Variants in OLA1 observed in about 807,000 individuals in gnomAD.
OLA1 encodes the protein Obg like ATPase 1.
Under a neutral mutation model 48.4 loss-of-function variants are expected in OLA1, and 14 were observed. That is an observed-to-expected ratio of 0.29 (90% CI 0.19 to 0.45). The LOEUF (loss-of-function observed/expected upper bound fraction) is 0.45, where lower values mean the gene tolerates loss of function less well. Ranked by LOEUF, OLA1 falls within the 20% of genes least tolerant of loss-of-function variation. The pLI is 1.00. For missense variants in OLA1, 325 were observed against 467.1 expected (o/e 0.70, Z 2.80); for synonymous variants, 127 against 150.4 (o/e 0.84, Z 1.14).
At chr2:174,128,688 G>T (rs1202911783) in intron 5 of OLA1, among the ~76,000 whole-genome samples, 1 of 149,950 alleles carries the variant, frequency 6.7e-6, no homozygotes, top group Non-Finnish European at 1.5e-5. Flanking sequence ...AGTGAGCCGA[G>T]ATTGCACCAC....
Position 174,179,329 on chromosome 2 carries a change from A to G in OLA1, c.374-37329T>C, listed in dbSNP as rs532287164. On this transcript the variant is annotated intron_variant, in intron 4 of 10. Transcript: ENST00000284719. Reference sequence around the variant, plus strand: ...TAAATAAATAGAAACGTCTCAAAATAGTTATGCATGAGTACTCAGTATAAT... The same window carrying G: ...TAAATAAATAGAAACGTCTCAAAATGGTTATGCATGAGTACTCAGTATAAT... Among the ~76,000 whole-genome samples, 3 of 152,058 alleles carry G rather than the reference A, an allele frequency of 2.0e-5. No homozygotes were observed. In the South Asian group the frequency reaches 6.2e-4, roughly 31 times the overall value.
At chr2:174,095,756 T>C (rs904404884) in intron 7 of OLA1, among the ~76,000 whole-genome samples, 1 of 152,144 alleles carries the variant, frequency 6.6e-6, no homozygotes, top group Admixed American at 6.6e-5. Flanking sequence ...CAGAATGGGA[T>C]AAAATATTTG....
chr2:174,097,355 G>T (rs1021964185), intron 7 of OLA1, among the ~76,000 whole-genome samples: 2 of 152,138 alleles, frequency 1.3e-5, no homozygotes, highest in Non-Finnish European at 2.9e-5. Context: ...AAAAAGGAGT[G>T]TAGGGGATGG....
chr2:174,120,311 C>T (rs1358801610), intron 7 of OLA1, among the ~76,000 whole-genome samples: 1 of 151,960 alleles, frequency 6.6e-6, no homozygotes, highest in African/African-American at 2.4e-5. Flanking sequence ...AAATTAATAC[C>T]GTCTATAGTA....
At chr2:174,237,904 C>T (rs564670008) in intron 2 of OLA1, among the ~76,000 whole-genome samples, 6 of 152,290 alleles carry the variant, frequency 3.9e-5, no homozygotes, top group Non-Finnish European at 5.9e-5. Context: ...TCACCACAAA[C>T]GTGAGTAATG....
chr2:174,111,583 A>G (rs1318319235), intron 7 of OLA1, among the ~76,000 whole-genome samples: 1 of 152,316 alleles, frequency 6.6e-6, no homozygotes, highest in South Asian at 2.1e-4. Flanking sequence ...CTGGATGTAC[A>G]TGTACATATA....
In OLA1 at chr2:174,222,990, T is replaced by G. The variant is rs756464987; in HGVS notation, c.373+43A>C. 1.2e-5 allele frequency: 19 copies of G among 1,561,672 alleles called. No individual in the cohort carries two copies. In the South Asian group the frequency reaches 2.2e-4, roughly 18 times the overall value. On this transcript the variant is annotated intron_variant, in intron 4 of 10. Transcript: ENST00000284719. ...TTGTGCACTAATGGAAAGAAAACAC[T>G]GATCTGAATGAAATCAATGATTAAA... is the stretch of plus-strand genomic sequence containing the variant.
At chr2:174,193,444 T>A (rs1687817346) in intron 4 of OLA1, among the ~76,000 whole-genome samples, 1 of 152,198 alleles carries the variant, frequency 6.6e-6, no homozygotes, top group Admixed American at 6.5e-5. Flanking sequence ...TTTTCTTGCT[T>A]TTTAAATACA....
intron 7 of OLA1, among the ~76,000 whole-genome samples, chr2:174,113,395 T>A (rs1685701944): frequency 6.6e-6 from 1 of 152,224 alleles, no homozygotes; most frequent in Non-Finnish European, 1.5e-5. Context: ...CAATTTCATA[T>A]AATTTTTAAT....
chr2:174,083,312 G>A (rs1377699529), intron 7 of OLA1, among the ~76,000 whole-genome samples: 1 of 152,092 alleles, frequency 6.6e-6, no homozygotes, highest in South Asian at 2.1e-4. Context: ...ATCAATGGCA[G>A]GGGAGCAGAG....
At chr2:174,240,953 A>G (rs1688986050) in intron 2 of OLA1, among the ~76,000 whole-genome samples, 1 of 152,184 alleles carries the variant, frequency 6.6e-6, no homozygotes, top group African/African-American at 2.4e-5. Flanking sequence ...CCTCCCATCA[A>G]GAGGTAGAGT....
intron 7 of OLA1, among the ~76,000 whole-genome samples, chr2:174,099,204 G>A (rs1207706875): frequency 1.3e-5 from 2 of 151,128 alleles, no homozygotes; most frequent in Non-Finnish European, 2.9e-5. Context: ...TCACCAGGCT[G>A]GAGTGCAGTG....
rs545178645 is a variant in OLA1 at position 174,201,015 on chromosome 2, A to T, written c.373+22018T>A. 3.3e-5 allele frequency among the ~76,000 whole-genome samples: 5 copies of T among 152,316 alleles called. No individual in the cohort carries two copies. In the South Asian group the frequency reaches 8.3e-4, roughly 25 times the overall value. On this transcript the variant is annotated intron_variant, in intron 4 of 10. Transcript: ENST00000284719. Reference sequence around the variant, plus strand: ...CTACACCAAACACCTACCTTTAAGAACCAAACAAAATTACAACTTGTCTGA... The same window carrying T: ...CTACACCAAACACCTACCTTTAAGATCCAAACAAAATTACAACTTGTCTGA...
intron 7 of OLA1, among the ~76,000 whole-genome samples, chr2:174,117,209 A>C (rs1028998595): frequency 6.6e-6 from 1 of 152,232 alleles, no homozygotes; most frequent in African/African-American, 2.4e-5. Flanking sequence ...TCACAAGGCC[A>C]AAACAAGTTC....
At chr2:174,088,934 T>C (rs901924702) in intron 7 of OLA1, among the ~76,000 whole-genome samples, 2 of 152,056 alleles carry the variant, frequency 1.3e-5, no homozygotes, top group Non-Finnish European at 2.9e-5. Context: ...CTTCCATACA[T>C]GTAAGAGACT....
intron 4 of OLA1, among the ~76,000 whole-genome samples, chr2:174,182,440 C>T (rs998093073): frequency 2.0e-5 from 3 of 152,066 alleles, no homozygotes; most frequent in African/African-American, 4.8e-5. Context: ...GCAGAAGAAT[C>T]GCTTGAACCC....
chr2:174,094,184 G>A (rs867265985), intron 7 of OLA1, among the ~76,000 whole-genome samples: 1 of 152,162 alleles, frequency 6.6e-6, no homozygotes, highest in Admixed American at 6.5e-5. Context: ...TGAAACTGCA[G>A]GGTCTACAAA....
chr2:174,201,342 CTTT>C (rs969673397), intron 4 of OLA1, among the ~76,000 whole-genome samples: 2 of 152,286 alleles, frequency 1.3e-5, no homozygotes, highest in Admixed American at 1.3e-4. Flanking sequence ...CTTCATCTCT[CTTT>C]TTAAGAGACA....
At chr2:174,118,964 T>C (rs1685846810) in intron 7 of OLA1, among the ~76,000 whole-genome samples, 1 of 152,130 alleles carries the variant, frequency 6.6e-6, no homozygotes, top group Non-Finnish European at 1.5e-5. Context: ...TACTGTATTG[T>C]TATCTCTCGA....
Sources: gnomAD v4.1 joint callset for allele counts (sites outside exome capture counted in the v4.1 genomes callset) on GRCh38, gnomAD v4.1.1 for gene constraint, MANE v1.5 for transcripts, NCBI Gene and HGNC (gene_info 2026-07-23, HGNC 2026-07-21) for gene names.